TFDP2: variants seen among roughly 807,000 people sequenced by gnomAD.
TFDP2 encodes the protein transcription factor Dp-2 (E2F dimerization partner 2).
A neutral mutation model predicts 59.3 loss-of-function variants in TFDP2; 17 were observed. The ratio of observed to expected loss-of-function variants is 0.29; its 90% CI spans 0.20 to 0.43. The LOEUF is 0.43. Among genes scored for constraint, TFDP2 ranks in the 20% least tolerant of loss-of-function variants. The pLI, the probability that TFDP2 is intolerant of heterozygous loss-of-function variation, is 1.00. For synonymous variants in TFDP2, 180 were observed against 194.7 expected (o/e 0.92, Z 0.63); for missense variants, 391 against 528.8 (o/e 0.74, Z 2.56).
At chr3:142,081,319 G>T (rs116192520) in intron 3 of TFDP2, among the ~76,000 whole-genome samples, 1 of 152,002 alleles carries the variant, frequency 6.6e-6, no homozygotes, top group East Asian at 1.9e-4. Flanking sequence ...CAAAACCTAT[G>T]GGATATAGTG....
Position 142,076,083 on chromosome 3 carries a change from T to C in TFDP2, c.82+16978A>G, listed in dbSNP as rs145797396. On this transcript the variant is annotated intron_variant, in intron 3 of 12. Coordinates refer to ENST00000489671, the MANE Select transcript of TFDP2 (RefSeq NM_001178139.2). Reference sequence around the variant, plus strand: ...AAAATTAGCTGGGCATGGTGGTGCATACCTGTAATCCCAGCTACTTGGGAG... The same window carrying C: ...AAAATTAGCTGGGCATGGTGGTGCACACCTGTAATCCCAGCTACTTGGGAG... 3.9e-3 allele frequency among the ~76,000 whole-genome samples: 586 copies of C among 151,458 alleles called. 1 individual carries two copies. The highest frequency in any genetic ancestry group is 0.013 in the African/African-American group (554 of 41,254).
chr3:142,033,868 G>C lies in TFDP2; in HGVS notation c.83-28324C>G, dbSNP rs78565410. ...AACCAGGAGGGTCCACTTTGCAAAAGGGTCTTTTGTAGGCAACAAGGGCTT... is the reference window on the plus strand; with the variant it reads ...AACCAGGAGGGTCCACTTTGCAAAACGGTCTTTTGTAGGCAACAAGGGCTT... On this transcript the variant is annotated intron_variant, in intron 3 of 12. Transcript: ENST00000489671. Among the ~76,000 whole-genome samples, 840 of 152,244 alleles carry C rather than the reference G, an allele frequency of 5.5e-3. 19 individuals are homozygous for C. Among genetic ancestry groups the C allele is most frequent in the East Asian group, 0.024 (125 of 5,184 alleles).
rs369447150 is a variant in TFDP2 at position 141,958,085 on chromosome 3, T to C, written c.1051+1589A>G. Reference sequence around the variant, plus strand: ...GAACGTGTAATTTGGTAAAATCAAATTGAAAATTTTTGGTATCATCTAGTA... The same window carrying C: ...GAACGTGTAATTTGGTAAAATCAAACTGAAAATTTTTGGTATCATCTAGTA... On this transcript the variant is annotated intron_variant, in intron 11 of 12. Transcript: ENST00000489671. 1.2e-4 allele frequency among the ~76,000 whole-genome samples: 18 copies of C among 152,268 alleles called. No individual in the cohort carries two copies. The East Asian group carries it at 1.3e-3, about 11-fold the overall frequency.
At chr3:142,003,833 G>A (rs1944009404) in intron 4 of TFDP2, among the ~76,000 whole-genome samples, 1 of 152,152 alleles carries the variant, frequency 6.6e-6, no homozygotes, top group South Asian at 2.1e-4. Context: ...GGGCCAAAAT[G>A]CACATTAGTT....
rs577775027 is a variant in TFDP2 at position 141,957,087 on chromosome 3, G to A, written c.1051+2587C>T. 2.6e-5 allele frequency among the ~76,000 whole-genome samples: 4 copies of A among 152,298 alleles called. No homozygotes were observed. The East Asian group carries it at 7.7e-4, about 29-fold the overall frequency. ...TATAATCCCAACACTTTGGGAGGCT[G>A]AGGCAGGTGAATTCAGGCCAAGAGT... On this transcript the variant is annotated intron_variant, in intron 11 of 12. Transcript: ENST00000489671.
At chr3:141,954,774 A>C (rs1386095702) in intron 11 of TFDP2, among the ~76,000 whole-genome samples, 1 of 152,236 alleles carries the variant, frequency 6.6e-6, no homozygotes. Flanking sequence ...TACTCAGAAA[A>C]TGTAATCTGC....
intron 3 of TFDP2, among the ~76,000 whole-genome samples, chr3:142,025,431 T>G (rs1945996077): frequency 6.6e-6 from 1 of 152,240 alleles, no homozygotes; most frequent in South Asian, 2.1e-4. Context: ...CCAAACTATG[T>G]CCTTGTTGCT....
intron 3 of TFDP2, among the ~76,000 whole-genome samples, chr3:142,013,711 T>A (rs929058937): frequency 2.6e-5 from 4 of 152,224 alleles, no homozygotes; most frequent in Non-Finnish European, 5.9e-5. Context: ...AAATATTATT[T>A]CAATTTATTG....
At chr3:142,101,942 T>C in intron 1 of TFDP2, 101 bp from the exon 2 acceptor site, 1 of 416,968 alleles carries the variant, frequency 2.4e-6, no homozygotes. Flanking sequence ...AAGTGAACTG[T>C]CTAAATTAAT....
intron 12 of TFDP2, 44 bp downstream of exon 12, chr3:141,952,867 A>AGGGCTCTGG: frequency 1.3e-6 from 2 of 1,587,536 alleles, no homozygotes; most frequent in Non-Finnish European, 1.7e-6. Context: ...ACAGACAGTC[A>AGGGCTCTGG]GGGCTCTGGG....
intron 3 of TFDP2, among the ~76,000 whole-genome samples, chr3:142,017,804 G>A (rs1170252790): frequency 6.6e-6 from 1 of 152,096 alleles, no homozygotes; most frequent in African/African-American, 2.4e-5. Flanking sequence ...ACCCGCCTCA[G>A]CCTCCCAAAG....
chr3:141,973,123 A>ATATATTTTTTTTTT, intron 8 of TFDP2, among the ~76,000 whole-genome samples: 4 of 58,026 alleles, frequency 6.9e-5, no homozygotes, highest in East Asian at 6.9e-4. Flanking sequence ...ATATATATAT[A>ATATATTTTTTTTTT]TTTTTTTTTT....
chr3:142,054,925 T>C (rs1206583898), intron 3 of TFDP2, among the ~76,000 whole-genome samples: 1 of 152,140 alleles, frequency 6.6e-6, no homozygotes, highest in Non-Finnish European at 1.5e-5. Context: ...TCCAGAGACG[T>C]GAAGGGCCAA....
chr3:142,057,231 A>G (rs2059777130), intron 3 of TFDP2, among the ~76,000 whole-genome samples: 1 of 152,256 alleles, frequency 6.6e-6, no homozygotes, highest in South Asian at 2.1e-4. Context: ...CAAAAAGTGT[A>G]TTAGCTATAG....
At position 142,095,397 on chromosome 3, in the gene TFDP2, C is replaced by A. The variant is rs535932891; in HGVS notation, c.16-2270G>T. On this transcript the variant is annotated intron_variant, in intron 2 of 12. Coordinates refer to ENST00000489671, the MANE Select transcript of TFDP2 (RefSeq NM_001178139.2). The stretch of plus-strand genomic sequence containing the variant: ...ATGCTCTACTAAGAATTCAAATGCT[C>A]TACTAATAGCTGTTTCTTTCTGTCA... 2.6e-5 allele frequency among the ~76,000 whole-genome samples: 4 copies of A among 152,212 alleles called. No individual in the cohort carries two copies. The South Asian group carries it at 8.3e-4, about 32-fold the overall frequency.
intron 3 of TFDP2, among the ~76,000 whole-genome samples, chr3:142,062,401 ATGTGTGTG>A (rs539864134): frequency 1.6e-4 from 23 of 144,020 alleles, no homozygotes; most frequent in African/African-American, 4.6e-4. Context: ...TATAATATAT[ATGTGTGTG>A]TGTGTGTGTG....
At chr3:141,994,034 C>A (rs1030683930) in intron 5 of TFDP2, among the ~76,000 whole-genome samples, 5 of 152,178 alleles carry the variant, frequency 3.3e-5, no homozygotes, top group Admixed American at 1.3e-4. Context: ...TCCAGGGTAA[C>A]CTTTGATCTA....
chr3:141,966,001 G>A (rs74764982), intron 9 of TFDP2, among the ~76,000 whole-genome samples: 21,251 of 151,726 alleles, frequency 0.14, 2,007 homozygotes, highest in South Asian at 0.27. Flanking sequence ...GCCTAACTTG[G>A]TGTCTGTCCC....
chr3:142,101,845 T>A lies in TFDP2; in HGVS notation c.-92-4A>T, dbSNP rs925335554. 2.9e-6 allele frequency: 2 copies of A among 682,854 alleles called. No individual in the cohort carries two copies. Among genetic ancestry groups the A allele is most frequent in the Non-Finnish European group, 4.5e-6 (2 of 444,226 alleles). 42.3% of individuals were successfully genotyped at this position (682,854 alleles called of 1,614,324 possible). A position where few individuals can be genotyped will look rare whatever the true frequency, so the allele number is the denominator to read the frequency against. ...AATAATTCTTTAAAAGAACAACCTG[T>A]TAAAGGAAAACAGAGGGAATAGTAA... is the stretch of plus-strand genomic sequence containing the variant. On this transcript the variant is annotated splice_region_variant and splice_polypyrimidine_tract_variant and intron_variant, in intron 1 of 12. Coordinates refer to ENST00000489671, the MANE Select transcript of TFDP2 (RefSeq NM_001178139.2).
Sources: allele counts gnomAD v4.1 joint callset (sites outside exome capture counted in the v4.1 genomes callset), GRCh38; gene constraint gnomAD v4.1.1; transcripts MANE v1.5; gene names NCBI Gene and HGNC (gene_info 2026-07-23, HGNC 2026-07-21).